The following ADAMTS15 variants were observed in gnomAD, a reference collection of about 807,000 sequenced individuals.
ADAMTS15 encodes A disintegrin and metalloproteinase with thrombospondin motifs 15.
A neutral mutation model predicts 79.1 loss-of-function variants in ADAMTS15; 35 were observed. The observed-to-expected ratio is 0.44, with a 90% CI of 0.34 to 0.59. The LOEUF (loss-of-function observed/expected upper bound fraction) is 0.59, where lower values mean the gene tolerates loss of function less well. Ranked by LOEUF, ADAMTS15 falls within the 20% of genes least tolerant of loss-of-function variation. The pLI is 0.02. For synonymous variants in ADAMTS15, 616 were observed against 567.3 expected (o/e 1.09, Z -1.22); for missense variants, 1,324 against 1,318.7 (o/e 1.00, Z -0.06).
chr11:130,450,002 A>C, intron 1 of ADAMTS15, 72 bp downstream of exon 1: 2 of 1,552,246 alleles, frequency 1.3e-6, no homozygotes, highest in South Asian at 2.4e-5. Context: ...AGCGCTCCAA[A>C]TCCCCTTTGT....
In ADAMTS15 at chr11:130,473,642, G is replaced by A; in HGVS notation, c.2674G>A (p.Glu892Lys). Residue 892 changes from glutamate (E) to lysine (K), a missense_variant, in exon 8 of 8, where the codon GAG becomes AAG. Physicochemically the swap from Glu to Lys is moderately conservative, Grantham distance 56. Coordinates refer to ENST00000299164, the MANE Select transcript of ADAMTS15 (RefSeq NM_139055.4). ...HRPVETQACG[E>K]PCPTWELSAW... ...GCCCGTGGAGACACAAGCCTGCGGG[G>A]AGCCCTGCCCCACCTGGGAGCTCAG... 2 of 1,608,058 alleles carry A rather than the reference G, an allele frequency of 1.2e-6. No homozygotes were observed. Among genetic ancestry groups the A allele is most frequent in the East Asian group, 2.2e-5 (1 of 44,856 alleles).
At chr11:130,465,873 CT>C (rs71061391) in intron 4 of ADAMTS15, among the ~76,000 whole-genome samples, 58,926 of 144,018 alleles carry the variant, frequency 0.41, 12,098 homozygotes, top group African/African-American at 0.46. Context: ...TCTTTTCTTT[CT>C]TTTTTTTTTT....
At chr11:130,461,972 C>T in intron 2 of ADAMTS15, 115 bp from the exon 3 acceptor site, 1 of 1,230,490 alleles carries the variant, frequency 8.1e-7, no homozygotes, top group Non-Finnish European at 1.1e-6. Context: ...CGATAGTTGG[C>T]AATGACCAGC....
At chr11:130,455,960 G>C (rs374202423) in intron 1 of ADAMTS15, among the ~76,000 whole-genome samples, 67 of 152,304 alleles carry the variant, frequency 4.4e-4, no homozygotes, top group South Asian at 1.5e-3. Context: ...TTCTTGGGGC[G>C]ATATGCACCA....
rs1938374888 is a variant in ADAMTS15 at position 130,469,378 on chromosome 11, G to C, written c.1659G>C (p.Lys553Asn). 7.3e-7 allele frequency: 1 copy of C among 1,360,768 alleles called. No homozygotes were observed. The highest frequency in any genetic ancestry group is 1.5e-5 in the African/African-American group (1 of 66,786). 84.3% of individuals were successfully genotyped at this position (1,360,768 alleles called of 1,614,324 possible). A position where few individuals can be genotyped will look rare whatever the true frequency, so the allele number is the denominator to read the frequency against. Reference protein sequence around the residue: ...CTNPTPANGGKYCEGVRVKYR... With the variant: ...CTNPTPANGGNYCEGVRVKYR... ...ACCCCACCCCTGCCAACGGGGGCAA[G>C]TACTGCGAGGGAGTGAGGGTGAAAT... Residue 553 changes from lysine (K) to asparagine (N), a missense_variant, in exon 5 of 8, where the codon AAG becomes AAC. Coordinates refer to ENST00000299164, the MANE Select transcript of ADAMTS15 (RefSeq NM_139055.4).
chr11:130,473,137 C>G lies in ADAMTS15; in HGVS notation c.2169C>G (p.Asp723Glu). Residue 723 changes from aspartate to glutamate, a missense_variant, in exon 8 of 8, where the codon GAC (aspartate) becomes GAG (glutamate). Transcript: ENST00000299164. ...GTTACAAAGGGCTGATCGGGGATGA[C>G]AACTACCTGGCTCTGAAGAACAGCC... is the stretch of plus-strand genomic sequence containing the variant. ...QRGYKGLIGD[D>E]NYLALKNSQG... 2 of 1,614,114 alleles carry G rather than the reference C, an allele frequency of 1.2e-6. No individual in the cohort carries two copies.
At chr11:130,465,847 ATTTTCTT>A (rs1413709983) in intron 4 of ADAMTS15, among the ~76,000 whole-genome samples, 1 of 134,012 alleles carries the variant, frequency 7.5e-6, no homozygotes, top group Non-Finnish European at 1.6e-5. Context: ...TTGTACTCTC[ATTTTCTT>A]TTTTCTTTTC....
chr11:130,460,362 T>C (rs1938174199), intron 1 of ADAMTS15, among the ~76,000 whole-genome samples: 1 of 151,756 alleles, frequency 6.6e-6, no homozygotes, highest in African/African-American at 2.4e-5. Context: ...CTGCAACCTC[T>C]GCCTCCCAGG....
chr11:130,456,951 G>A (rs1334118923), intron 1 of ADAMTS15, among the ~76,000 whole-genome samples: 6 of 152,284 alleles, frequency 3.9e-5, no homozygotes, highest in South Asian at 2.1e-4. Flanking sequence ...GTTAAAGTGC[G>A]GCCAGGTGCG....
At chr11:130,469,463 G>T in intron 5 of ADAMTS15, 24 bp downstream of exon 5, 1 of 1,319,024 alleles carries the variant, frequency 7.6e-7, no homozygotes, top group East Asian at 2.8e-5. Flanking sequence ...AGCAGTGGTG[G>T]CCTGGGCCCA....
At position 130,462,413 on chromosome 11, in the gene ADAMTS15, A is replaced by T; in HGVS notation, c.1259-84A>T. On this transcript the variant is annotated intron_variant, in intron 3 of 7. Coordinates refer to ENST00000299164, the MANE Select transcript of ADAMTS15 (RefSeq NM_139055.4). The surrounding 1 kb of genome is among the most constrained non-coding windows in gnomAD (Gnocchi z 4.3). ...AGTGCATTCCTGTTGCCCTTGGTTC[A>T]TTATCCCCTTACCATTCAGATTCTG... is the stretch of plus-strand genomic sequence containing the variant. 6.6e-7 allele frequency: 1 copy of T among 1,519,892 alleles called. No homozygotes were observed. Among genetic ancestry groups the T allele is most frequent in the Non-Finnish European group, 8.9e-7 (1 of 1,128,778 alleles). 94.2% of individuals were successfully genotyped at this position (1,519,892 alleles called of 1,614,324 possible).
intron 4 of ADAMTS15, among the ~76,000 whole-genome samples, chr11:130,468,986 T>C (rs1260091820): frequency 6.9e-6 from 1 of 145,252 alleles, no homozygotes; most frequent in Non-Finnish European, 1.5e-5. Flanking sequence ...ATCTCACATC[T>C]GTCTCACTCT....
chr11:130,470,158 A>ATATATATATATATATATGTGTG (rs1938404048), intron 5 of ADAMTS15, among the ~76,000 whole-genome samples: 2 of 50,038 alleles, frequency 4.0e-5, no homozygotes, highest in Non-Finnish European at 7.6e-5. Flanking sequence ...ATATGTGTAT[A>ATATATATATATATATATGTGTG]TATATATATA....
chr11:130,453,758 C>G (rs184683410), intron 1 of ADAMTS15, among the ~76,000 whole-genome samples: 1 of 152,246 alleles, frequency 6.6e-6, no homozygotes, highest in African/African-American at 2.4e-5. Context: ...AGACTTTTAA[C>G]TACAAATTTC....
At chr11:130,466,121 C>T (rs907055438) in intron 4 of ADAMTS15, among the ~76,000 whole-genome samples, 1 of 152,172 alleles carries the variant, frequency 6.6e-6, no homozygotes, top group African/African-American at 2.4e-5. Context: ...GATCTGCTCA[C>T]CTCGGCCTCC....
intron 1 of ADAMTS15, among the ~76,000 whole-genome samples, chr11:130,455,892 G>C (rs1019120531): frequency 6.6e-6 from 1 of 152,142 alleles, no homozygotes; most frequent in Non-Finnish European, 1.5e-5. Context: ...CTCTCCCCAG[G>C]CCTCTCCCCA....
At chr11:130,455,659 A>G (rs930420295) in intron 1 of ADAMTS15, among the ~76,000 whole-genome samples, 1 of 152,146 alleles carries the variant, frequency 6.6e-6, no homozygotes, top group African/African-American at 2.4e-5. Context: ...CTGGCATTTC[A>G]TCTTGGCTCT....
In ADAMTS15 at chr11:130,473,873, G is replaced by A. The variant is rs372201358; in HGVS notation, c.*52G>A. 3.9e-5 allele frequency: 59 copies of A among 1,520,408 alleles called. No individual in the cohort carries two copies. Among genetic ancestry groups the A allele is most frequent in the Admixed American group, 1.6e-4 (8 of 51,482 alleles). 94.2% of individuals were successfully genotyped at this position (1,520,408 alleles called of 1,614,324 possible). The stretch of plus-strand genomic sequence containing the variant: ...CTCTCCACCCCACTGATATGCCAGC[G>A]TTCTGCCAGCTGGAGTAGCGGGCAG... On this transcript the variant is annotated 3_prime_UTR_variant, in exon 8 of 8. Transcript: ENST00000299164.
Position 130,471,023 on chromosome 11 carries a change from C to T in ADAMTS15, c.1824C>T (p.Ser608=), listed in dbSNP as rs375413440. 7.4e-5 allele frequency: 119 copies of T among 1,613,698 alleles called. 1 individual carries two copies. Among genetic ancestry groups the T allele is most frequent in the East Asian group, 2.7e-4 (12 of 44,888 alleles). The change falls in exon 6 of 8, where the codon TCC becomes TCT. Residue 608 remains serine (S), a synonymous_variant. Coordinates refer to ENST00000299164, the MANE Select transcript of ADAMTS15 (RefSeq NM_139055.4). ...CCGTGGCATGGGTGCCCAAGTACTC[C>T]GGCGTGTCTCCCCGGGACAAGTGCA... The part of the protein sequence containing the change: ...TLAVAWVPKY[S]GVSPRDKCKL...
Sources: allele counts gnomAD v4.1 joint callset (sites outside exome capture counted in the v4.1 genomes callset), GRCh38; gene constraint gnomAD v4.1.1; non-coding constraint Gnocchi (gnomAD v3.1); transcripts MANE v1.5; gene names NCBI Gene and HGNC (gene_info 2026-07-23, HGNC 2026-07-21).